CDH18: variants seen among roughly 807,000 people sequenced by gnomAD.
CDH18 encodes cadherin-18.
A neutral mutation model predicts 67.9 loss-of-function variants in CDH18; 31 were observed. The ratio of observed to expected loss-of-function variants is 0.46; its 90% CI spans 0.34 to 0.62. The LOEUF (loss-of-function observed/expected upper bound fraction) is 0.62. Among genes scored for constraint, CDH18 ranks in the 20% least tolerant of loss-of-function variants. The probability of loss-of-function intolerance (pLI) is 0.01; values close to 1 mark genes in which losing one functional copy is unlikely to be tolerated. For missense variants in CDH18, 890 were observed against 975.5 expected (o/e 0.91, Z 1.17); for synonymous variants, 362 against 347.2 (o/e 1.04, Z -0.48).
chr5:19,811,041 A>G (rs562792845), intron 3 of CDH18, among the ~76,000 whole-genome samples: 2 of 150,062 alleles, frequency 1.3e-5, no homozygotes, highest in African/African-American at 2.5e-5. Context: ...AAGGAAAGGA[A>G]AGGGAAAGGG....
intron 1 of CDH18, among the ~76,000 whole-genome samples, chr5:20,432,781 G>A (rs185946649): frequency 2.0e-5 from 3 of 151,564 alleles, no homozygotes; most frequent in Admixed American, 2.0e-4. Context: ...GGCTTTAAAG[G>A]CCTAATACAG....
intron 2 of CDH18, among the ~76,000 whole-genome samples, chr5:20,125,023 CAG>C (rs1748698377): frequency 6.6e-6 from 1 of 152,018 alleles, no homozygotes; most frequent in South Asian, 2.1e-4. Flanking sequence ...ACTGAATTGA[CAG>C]AGAGGAGGAT....
At chr5:20,118,399 T>G (rs1748091087) in intron 2 of CDH18, among the ~76,000 whole-genome samples, 1 of 152,190 alleles carries the variant, frequency 6.6e-6, no homozygotes, top group Non-Finnish European at 1.5e-5. Flanking sequence ...ATTGGCAGAT[T>G]ATTTTTAAGC....
At chr5:19,764,624 C>CATATAT (rs72234101) in intron 3 of CDH18, among the ~76,000 whole-genome samples, 10 of 146,078 alleles carry the variant, frequency 6.8e-5, no homozygotes, top group African/African-American at 2.5e-4. Flanking sequence ...TCTATTTCTT[C>CATATAT]ATATATATAT....
At chr5:19,877,078 C>T (rs981541871) in intron 2 of CDH18, among the ~76,000 whole-genome samples, 1 of 152,092 alleles carries the variant, frequency 6.6e-6, no homozygotes, top group Non-Finnish European at 1.5e-5. Context: ...AAGACCCTCA[C>T]CATGCACAAC....
intron 3 of CDH18, among the ~76,000 whole-genome samples, chr5:19,806,543 A>G (rs1778047030): frequency 6.6e-6 from 1 of 152,208 alleles, no homozygotes; most frequent in Non-Finnish European, 1.5e-5. Flanking sequence ...TCAAAGATTT[A>G]TATCGTAAAA....
rs181369457 is a variant in CDH18 at position 19,562,132 on chromosome 5, T to C, written c.1253+9447A>G. 4.1e-3 allele frequency among the ~76,000 whole-genome samples: 621 copies of C among 152,316 alleles called. 3 individuals are homozygous for C. The highest frequency in any genetic ancestry group is 6.1e-3 in the Non-Finnish European group (418 of 68,002). On this transcript the variant is annotated intron_variant, in intron 8 of 12. Coordinates refer to ENST00000382275, the MANE Select transcript of CDH18 (RefSeq NM_004934.5). ...TGAAGAGAACACTGAAATAATTTTA[T>C]GTTATCAATAAGGAAAACTTTTACA...
At chr5:19,990,442 G>A (rs188752593), upstream of CDH18, among the ~76,000 whole-genome samples, 10 of 152,270 alleles carry the variant, frequency 6.6e-5, no homozygotes, top group Admixed American at 1.3e-4. Context: ...TGTAATAAGT[G>A]CATCCAGTGG....
At chr5:20,463,877 A>G (rs1751449729) in intron 1 of CDH18, among the ~76,000 whole-genome samples, 1 of 152,148 alleles carries the variant, frequency 6.6e-6, no homozygotes, top group Non-Finnish European at 1.5e-5. Context: ...AATGCTACTA[A>G]GAATATGTCT....
rs540064806 is a variant in CDH18 at position 20,189,095 on chromosome 5, G to A, written c.-518+66349C>T. ...TCAGCCTGTTGCAATGCCTTTCATC[G>A]CTACTCCACCTAAAGAGCTATGGAA... On this transcript the variant is annotated intron_variant, in intron 2 of 14. Coordinates refer to the CDH18 transcript ENST00000507958. 5.3e-5 allele frequency among the ~76,000 whole-genome samples: 8 copies of A among 151,914 alleles called. No individual in the cohort carries two copies. In the South Asian group the frequency reaches 1.2e-3, roughly 24 times the overall value.
chr5:19,808,120 A>G (rs1196113141), intron 3 of CDH18, among the ~76,000 whole-genome samples: 1 of 152,134 alleles, frequency 6.6e-6, no homozygotes, highest in Non-Finnish European at 1.5e-5. Context: ...TATATGTAAT[A>G]TTATTCTTTT....
At chr5:20,030,761 C>T (rs1181280231) in intron 2 of CDH18, among the ~76,000 whole-genome samples, 2 of 152,086 alleles carry the variant, frequency 1.3e-5, no homozygotes, top group Non-Finnish European at 2.9e-5. Flanking sequence ...CGAGTTAGGC[C>T]ATGCAGAGTG....
intron 1 of CDH18, among the ~76,000 whole-genome samples, chr5:20,488,488 A>T (rs1231643593): frequency 6.6e-6 from 1 of 152,060 alleles, no homozygotes; most frequent in East Asian, 1.9e-4. Flanking sequence ...TAAAAAGCAC[A>T]TAAGGTAAAA....
chr5:19,686,203 A>T lies in CDH18; in HGVS notation c.643+35144T>A, dbSNP rs541009110. ...AACATTTCAAAGTAAAAATCATAGGACTTATGGGAAAAATAGAGTCAAGGA... is the reference window on the plus strand; with the variant it reads ...AACATTTCAAAGTAAAAATCATAGGTCTTATGGGAAAAATAGAGTCAAGGA... On this transcript the variant is annotated intron_variant, in intron 5 of 12. Coordinates refer to ENST00000382275, the MANE Select transcript of CDH18 (RefSeq NM_004934.5). Among the ~76,000 whole-genome samples the T allele has an allele frequency of 4.6e-5, 7 of 152,250 alleles. No individual in the cohort carries two copies. The South Asian group carries it at 1.5e-3, about 32-fold the overall frequency.
At chr5:20,442,660 T>A (rs1749690525) in intron 1 of CDH18, among the ~76,000 whole-genome samples, 1 of 151,856 alleles carries the variant, frequency 6.6e-6, no homozygotes, top group Non-Finnish European at 1.5e-5. Flanking sequence ...AAAACTAAAC[T>A]AAGCCAAAAG....
In CDH18 at chr5:19,525,769, T is replaced by C. The variant is rs865877166; in HGVS notation, c.1391-4991A>G. ...ACTACCCATGGGTCTCTATATATTA[T>C]TTCTTGTGTCCTTGGGTCAGTATTT... On this transcript the variant is annotated intron_variant, in intron 9 of 12. Transcript: ENST00000382275. Among the ~76,000 whole-genome samples the C allele has an allele frequency of 1.2e-4, 18 of 152,294 alleles. No individual in the cohort carries two copies. The Middle Eastern group carries it at 0.01, about 86-fold the overall frequency.
chr5:19,543,931 G>A lies in CDH18; in HGVS notation c.1328C>T (p.Thr443Ile), dbSNP rs779568763. 3.8e-6 allele frequency: 6 copies of A among 1,597,666 alleles called. No individual in the cohort carries two copies. The East Asian group carries it at 1.1e-4, about 30-fold the overall frequency. Residue 443 changes from threonine (T) to isoleucine (I), a missense_variant, in exon 9 of 13, where the codon ACA (threonine) becomes ATA (isoleucine). Physicochemically the swap from Thr to Ile is moderately conservative, Grantham distance 89 (BLOSUM62 -1). Coordinates refer to ENST00000382275, the MANE Select transcript of CDH18 (RefSeq NM_004934.5). ...IDANTGTIRTTKVLDREETPW... is the reference protein window; with the variant it reads ...IDANTGTIRTIKVLDREETPW... ...AGTTTCTTCTCTGTCGAGAACCTTT[G>A]TAGTCCTAATGGTCCCAGTATTGGC...
At position 19,838,964 on chromosome 5, in the gene CDH18, C is replaced by T; in HGVS notation, c.23G>A (p.Cys8Tyr). The change falls in exon 3 of 13, where the codon TGC (cysteine) becomes TAC (tyrosine). Residue 8 changes from cysteine (C) to tyrosine (Y), a missense_variant. Transcript: ENST00000382275. The stretch of plus-strand genomic sequence containing the variant: ...GAGACACACTAGGACTGGACAGATG[C>T]AAGATGTGCTAGTAATTTTCATTGT... MKITSTSCICPVLVCLCF... is the reference protein window; with the variant it reads MKITSTSYICPVLVCLCF... The T allele has an allele frequency of 6.2e-7, 1 of 1,612,958 alleles. No homozygotes were observed. Among genetic ancestry groups the T allele is most frequent in the East Asian group, 2.2e-5 (1 of 44,830 alleles).
intron 2 of CDH18, among the ~76,000 whole-genome samples, chr5:20,058,958 G>C (rs12516633): frequency 0.29 from 44,140 of 151,966 alleles, 7,777 homozygotes; most frequent in Non-Finnish European, 0.38. Context: ...TGGTTGGTAA[G>C]CTATTAATTA....
Sources: gnomAD v4.1 joint callset for allele counts (sites outside exome capture counted in the v4.1 genomes callset) on GRCh38, gnomAD v4.1.1 for gene constraint, MANE v1.5 for transcripts, NCBI Gene and HGNC (gene_info 2026-07-23, HGNC 2026-07-21) for gene names.